The following RBPMS variants were observed in gnomAD, a reference collection of about 807,000 sequenced individuals.
RBPMS encodes the protein RNA-binding protein with multiple splicing.
A neutral mutation model predicts 26.8 loss-of-function variants in RBPMS; 7 were observed. That is an observed-to-expected ratio of 0.26 (90% CI 0.15 to 0.49). The LOEUF (loss-of-function observed/expected upper bound fraction) is 0.49. RBPMS is among the 20% of genes least tolerant of loss of function. The probability of loss-of-function intolerance (pLI) is 0.98; values close to 1 mark genes in which losing one functional copy is unlikely to be tolerated. For synonymous variants in RBPMS, 96 were observed against 93.3 expected, an observed-to-expected ratio of 1.03 and a Z score of -0.17; for missense variants, 186 against 250.0, an observed-to-expected ratio of 0.74 and a Z score of 1.73.
intron 6 of RBPMS, chr8:30,556,694 C>T (rs1402881874): frequency 1.6e-5 from 16 of 986,132 alleles, no homozygotes; most frequent in East Asian, 1.1e-4. Flanking sequence ...GGCTCTGTGT[C>T]CCCGCCCCGT....
chr8:30,510,903 A>G (rs747314371), intron 5 of RBPMS, among the ~76,000 whole-genome samples: 2 of 152,150 alleles, frequency 1.3e-5, no homozygotes, highest in Admixed American at 6.5e-5. Flanking sequence ...GCTGACAGCT[A>G]TAGTTCTTTC....
At chr8:30,455,289 A>G (rs16876985) in intron 1 of RBPMS, among the ~76,000 whole-genome samples, 1,949 of 152,262 alleles carry the variant, frequency 0.013, 32 homozygotes, top group African/African-American at 0.044. Context: ...TGTCATTCCA[A>G]TGCAAAAGGA....
chr8:30,473,310 A>G (rs1449747098), intron 1 of RBPMS, among the ~76,000 whole-genome samples: 1 of 152,126 alleles, frequency 6.6e-6, no homozygotes, highest in African/African-American at 2.4e-5. Flanking sequence ...TATTTGGTAA[A>G]TGCCCATCCT....
At chr8:30,556,161 C>G (rs1826886845) in intron 6 of RBPMS, 1 of 985,304 alleles carries the variant, frequency 1.0e-6, no homozygotes, top group Admixed American at 6.1e-5. Context: ...GCAATGAATT[C>G]AGGGGTCTGT....
intron 1 of RBPMS, among the ~76,000 whole-genome samples, chr8:30,418,725 T>A (rs747365317): frequency 6.6e-6 from 1 of 152,064 alleles, no homozygotes; most frequent in East Asian, 1.9e-4. Context: ...GCTACAGGCA[T>A]GTGCCACCAG....
chr8:30,519,458 C>CTTTTTTT (rs36017963), intron 5 of RBPMS, among the ~76,000 whole-genome samples: 2 of 89,460 alleles, frequency 2.2e-5, no homozygotes, highest in African/African-American at 8.8e-5. Context: ...GGATCTCTCT[C>CTTTTTTT]TTTTTTTTTT....
intron 1 of RBPMS, among the ~76,000 whole-genome samples, chr8:30,407,690 A>G (rs935162440): frequency 3.3e-5 from 1 of 30,320 alleles, no homozygotes; most frequent in African/African-American, 1.4e-4. Context: ...TCTAGGTACT[A>G]TTCACATCAC....
At chr8:30,520,394 G>A (rs1308940112) in intron 5 of RBPMS, among the ~76,000 whole-genome samples, 11 of 152,082 alleles carry the variant, frequency 7.2e-5, no homozygotes, top group Admixed American at 6.5e-4. Flanking sequence ...GAGTATCATC[G>A]TGAACTCGTG....
chr8:30,508,416 G>C lies in RBPMS; in HGVS notation c.397+3980G>C, dbSNP rs923249102. Among the ~76,000 whole-genome samples the C allele has an allele frequency of 2.6e-5, 4 of 152,122 alleles. 1 individual carries two copies. In the South Asian group the frequency reaches 8.3e-4, roughly 32 times the overall value. ...TGTCATTTACTAGTTTTGTAAGTTT[G>C]GTTTAGTTACCTAACCTCTCTGTGT... On this transcript the variant is annotated intron_variant, in intron 5 of 8. Transcript: ENST00000397323.
chr8:30,513,499 G>A (rs989350890), intron 5 of RBPMS, among the ~76,000 whole-genome samples: 1 of 145,878 alleles, frequency 6.9e-6, no homozygotes, highest in Admixed American at 7.2e-5. Context: ...TGAGGCAGGA[G>A]AATGGTGTAA....
chr8:30,477,466 ACTC>A (rs763340086), intron 2 of RBPMS, among the ~76,000 whole-genome samples: 7 of 151,908 alleles, frequency 4.6e-5, no homozygotes, highest in Non-Finnish European at 7.4e-5. Context: ...TTTCTGTAAA[ACTC>A]CTATTCTTAT....
intron 1 of RBPMS, among the ~76,000 whole-genome samples, chr8:30,468,242 A>G (rs559260789): frequency 6.6e-6 from 1 of 152,316 alleles, no homozygotes; most frequent in African/African-American, 2.4e-5. Flanking sequence ...GTATGTTTTA[A>G]TTATCATAAA....
At position 30,544,544 on chromosome 8, in the gene RBPMS, C is replaced by G; in HGVS notation, c.448C>G (p.Pro150Ala). ...LYPSSPEVWA[P>A]YPLYPAELAP... The stretch of plus-strand genomic sequence containing the variant: ...CCCCAGTAGCCCTGAAGTGTGGGCC[C>G]CGTACCCTCTGTACCCAGCGGAGTT... The change falls in exon 6 of 9, where the codon CCG (proline) becomes GCG (alanine). Residue 150 changes from proline (P) to alanine (A), a missense_variant. Transcript: ENST00000397323. The G allele has an allele frequency of 6.2e-7, 1 of 1,614,202 alleles. No homozygotes were observed.
rs1346752891 is a variant in RBPMS at position 30,540,074 on chromosome 8, T to C, written c.398-4420T>C. Among the ~76,000 whole-genome samples the C allele has an allele frequency of 2.0e-5, 3 of 152,162 alleles. No homozygotes were observed. In the East Asian group the frequency reaches 5.8e-4, roughly 29 times the overall value. ...GCACAGAGAAAGCAGTCTTCTAGAC[T>C]AGCAGTGCGAGACCAGGCCCCTCCC... is the stretch of plus-strand genomic sequence containing the variant. On this transcript the variant is annotated intron_variant, in intron 5 of 8. Coordinates refer to ENST00000397323, the MANE Select transcript of RBPMS (RefSeq NM_001008710.3).
chr8:30,551,242 G>A (rs781009250), intron 6 of RBPMS, among the ~76,000 whole-genome samples: 3 of 152,144 alleles, frequency 2.0e-5, no homozygotes, highest in Admixed American at 6.5e-5. Flanking sequence ...AAAACCATCC[G>A]TCCAGGGTGT....
At chr8:30,425,055 A>C (rs969903828) in intron 1 of RBPMS, among the ~76,000 whole-genome samples, 3 of 151,952 alleles carry the variant, frequency 2.0e-5, no homozygotes, top group Non-Finnish European at 4.4e-5. Flanking sequence ...TCCCAGACTC[A>C]AGCAGTCCTC....
intron 5 of RBPMS, among the ~76,000 whole-genome samples, chr8:30,529,054 C>G (rs1823910844): frequency 6.7e-6 from 1 of 149,942 alleles, no homozygotes; most frequent in Admixed American, 6.6e-5. Context: ...ACGTCTCTAC[C>G]AAAAAAAAAT....
intron 1 of RBPMS, among the ~76,000 whole-genome samples, chr8:30,462,994 G>T (rs576372183): frequency 1.3e-4 from 20 of 152,184 alleles, no homozygotes; most frequent in African/African-American, 4.6e-4. Context: ...GTTATGCATT[G>T]GTTCCTTTTA....
intron 4 of RBPMS, among the ~76,000 whole-genome samples, chr8:30,491,732 C>G (rs954976493): frequency 6.6e-6 from 1 of 151,944 alleles, no homozygotes; most frequent in African/African-American, 2.4e-5. Flanking sequence ...CTTTGCAGAA[C>G]GATCCTTAAA....
Sources: gnomAD v4.1 joint callset for allele counts (sites outside exome capture counted in the v4.1 genomes callset) on GRCh38, gnomAD v4.1.1 for gene constraint, MANE v1.5 for transcripts, NCBI Gene and HGNC (gene_info 2026-07-23, HGNC 2026-07-21) for gene names.